MGAM2: variants seen among roughly 807,000 people sequenced by gnomAD.
MGAM2 encodes probable maltase-glucoamylase 2.
MGAM2 carries 98 observed loss-of-function variants against 96.1 expected under a neutral mutation model. The ratio of observed to expected loss-of-function variants is 1.02; its 90% CI spans 0.87 to 1.21. The LOEUF (loss-of-function observed/expected upper bound fraction) is 1.21, where lower values mean the gene tolerates loss of function less well. Among genes scored for constraint, MGAM2 ranks in the 50% most tolerant of loss-of-function variants. The pLI is 0.00. For missense variants in MGAM2, 2,055 were observed against 1,182.4 expected (o/e 1.74, Z -10.82); for synonymous variants, 749 against 414.8 (o/e 1.81, Z -9.79).
chr7:142,195,534 T>C (rs1797006983), intron 37 of MGAM2, among the ~76,000 whole-genome samples: 1 of 150,378 alleles, frequency 6.6e-6, no homozygotes, highest in African/African-American at 2.5e-5. Flanking sequence ...TTTTTTTTTT[T>C]TTAGTAGAGA....
At chr7:142,192,807 A>G (rs1455523811) in intron 37 of MGAM2, among the ~76,000 whole-genome samples, 6 of 152,220 alleles carry the variant, frequency 3.9e-5, no homozygotes, top group African/African-American at 1.4e-4. Flanking sequence ...TTCTTCATGA[A>G]TTATTTTTTA....
At chr7:142,175,928 T>C (rs1796360662) in intron 32 of MGAM2, 148 bp downstream of exon 32, 1 of 424,180 alleles carries the variant, frequency 2.4e-6, no homozygotes, top group Non-Finnish European at 4.1e-6. Flanking sequence ...TTGTGGTGAA[T>C]CTATAATTAT....
chr7:142,185,763 C>T (rs1796674971), intron 34 of MGAM2, among the ~76,000 whole-genome samples: 1 of 151,984 alleles, frequency 6.6e-6, no homozygotes, highest in African/African-American at 2.4e-5. Context: ...TAAACAAATC[C>T]TGTATTTGAA....
chr7:142,210,026 G>A (rs115913381), intron 46 of MGAM2, among the ~76,000 whole-genome samples: 1,625 of 152,312 alleles, frequency 0.011, 33 homozygotes, highest in African/African-American at 0.037. Flanking sequence ...ATCTCACTGG[G>A]ACTGATTAGA....
At chr7:142,118,499 C>T (rs898284895) in intron 2 of MGAM2, among the ~76,000 whole-genome samples, 1 of 152,132 alleles carries the variant, frequency 6.6e-6, no homozygotes, top group Non-Finnish European at 1.5e-5. Context: ...GTAACTGTTT[C>T]CTCCAAATTC....
In MGAM2 at chr7:142,221,250, G is replaced by T. The variant is rs1306936073; in HGVS notation, c.6739G>T (p.Ala2247Ser). 1 of 698,920 alleles carries T rather than the reference G, an allele frequency of 1.4e-6. No homozygotes were observed. Among genetic ancestry groups the T allele is most frequent in the Non-Finnish European group, 2.6e-6 (1 of 382,594 alleles). 43.3% of individuals were successfully genotyped at this position (698,920 alleles called of 1,614,324 possible). The change falls in exon 48 of 48, where the codon GCT (alanine) becomes TCT (serine). Residue 2247 changes from alanine (A) to serine (S), a missense_variant. Ala to Ser is a moderately conservative substitution (Grantham distance 99). Coordinates refer to ENST00000477922, the MANE Select transcript of MGAM2 (RefSeq NM_001293626.2). ...MTNFLLATMS[A>S]GNITSNSISI... ...AAATTTTCTTTTAGCTACAATGTCT[G>T]CTGGTAATATAACTAGTAATAGTAT...
chr7:142,193,888 C>G (rs1278178298), intron 37 of MGAM2, among the ~76,000 whole-genome samples: 1 of 152,144 alleles, frequency 6.6e-6, no homozygotes, highest in Non-Finnish European at 1.5e-5. Context: ...TTGTTCCCAA[C>G]CCAAACCTCT....
chr7:142,206,545 A>G (rs1163828434), intron 45 of MGAM2, among the ~76,000 whole-genome samples: 3 of 152,214 alleles, frequency 2.0e-5, no homozygotes, highest in African/African-American at 7.2e-5. Context: ...GAGTGATGTC[A>G]TAGTAGGTTA....
chr7:142,171,512 TATG>T lies in MGAM2; in HGVS notation c.3351+75_3351+77del, dbSNP rs762672022. The T allele has an allele frequency of 2.7e-4, 175 of 652,476 alleles. 1 individual carries two copies. Among genetic ancestry groups the T allele is most frequent in the Middle Eastern group, 9.7e-4 (4 of 4,138 alleles). 40.4% of individuals were successfully genotyped at this position (652,476 alleles called of 1,614,324 possible). ...ATCTCTTTTAATCCTTATGCTTATA[TATG>T]ATACCTTGCTCATCAACCTCATCTT... On this transcript the variant is annotated intron_variant, in intron 28 of 47. Coordinates refer to ENST00000477922, the MANE Select transcript of MGAM2 (RefSeq NM_001293626.2).
chr7:142,156,040 G>A (rs1795725885), intron 17 of MGAM2, among the ~76,000 whole-genome samples: 2 of 152,114 alleles, frequency 1.3e-5, no homozygotes, highest in African/African-American at 4.8e-5. Context: ...AGCTACTTGG[G>A]AGGCTGAGGC....
intron 45 of MGAM2, among the ~76,000 whole-genome samples, chr7:142,203,998 A>G (rs1301565311): frequency 6.6e-6 from 1 of 152,084 alleles, no homozygotes; most frequent in Non-Finnish European, 1.5e-5. Context: ...CAACAAGACC[A>G]CCTTCTGGAA....
rs1223347932 is a variant in MGAM2, at chr7:142,143,756, C to T, written c.1318-13C>T. On this transcript the variant is annotated splice_polypyrimidine_tract_variant and intron_variant, in intron 12 of 47. Transcript: ENST00000477922. The stretch of plus-strand genomic sequence containing the variant: ...AACCAAGCTGATTGCCACTGCCTTC[C>T]TCTGTGTCCTAGGGATATCCGGGAC... 2 of 598,802 alleles carry T rather than the reference C, an allele frequency of 3.3e-6. No homozygotes were observed. Among genetic ancestry groups the T allele is most frequent in the Admixed American group, 2.3e-5 (1 of 43,624 alleles). 37.1% of individuals were successfully genotyped at this position (598,802 alleles called of 1,614,324 possible). A position where few individuals can be genotyped will look rare whatever the true frequency, so the allele number is the denominator to read the frequency against.
intron 31 of MGAM2, among the ~76,000 whole-genome samples, chr7:142,175,384 T>C (rs1032498129): frequency 3.9e-5 from 6 of 152,060 alleles, no homozygotes; most frequent in Non-Finnish European, 8.8e-5. Context: ...GGGAAAGACA[T>C]GAATTGAGGA....
chr7:142,154,598 G>A, intron 16 of MGAM2, 131 bp from the exon 17 acceptor site: 1 of 615,444 alleles, frequency 1.6e-6, no homozygotes, highest in Admixed American at 2.5e-5. Context: ...AGTGTGCCCT[G>A]TGACTCTGGG....
At chr7:142,129,585 G>A (rs1268002188) in intron 3 of MGAM2, among the ~76,000 whole-genome samples, 2 of 151,910 alleles carry the variant, frequency 1.3e-5, no homozygotes, top group East Asian at 3.9e-4. Context: ...AGCACTTTGG[G>A]AGGCTGAGGT....
Position 142,159,131 on chromosome 7 carries a change from T to C in MGAM2, c.2164-156T>C, listed in dbSNP as rs1795818534. ...CTACATTCTGCTTTGGGTAAATTGC[T>C]CAACCTTTATGTGTCTGTGTTTTCC... On this transcript the variant is annotated intron_variant, in intron 19 of 47. Transcript: ENST00000477922. Among the ~76,000 whole-genome samples, 4 of 152,210 alleles carry C rather than the reference T, an allele frequency of 2.6e-5. No individual in the cohort carries two copies. The South Asian group carries it at 8.3e-4, about 32-fold the overall frequency.
chr7:142,202,856 T>C (rs949723061), intron 45 of MGAM2, among the ~76,000 whole-genome samples: 13 of 152,240 alleles, frequency 8.5e-5, no homozygotes, highest in Admixed American at 7.9e-4. Context: ...CTGGGTTGAA[T>C]TGTAGTCCTG....
chr7:142,194,529 ATTT>A (rs1563287663), intron 37 of MGAM2, among the ~76,000 whole-genome samples: 82 of 152,030 alleles, frequency 5.4e-4, no homozygotes, highest in African/African-American at 1.9e-3. Context: ...CCTCACCCCC[ATTT>A]CTTTATCACA....
intron 46 of MGAM2, among the ~76,000 whole-genome samples, chr7:142,212,781 CAG>C (rs1797629082): frequency 6.6e-6 from 1 of 152,078 alleles, no homozygotes; most frequent in South Asian, 2.1e-4. Context: ...ATCAACAAGA[CAG>C]AAAATTAGCA....
Sources: allele counts gnomAD v4.1 joint callset (sites outside exome capture counted in the v4.1 genomes callset), GRCh38; gene constraint gnomAD v4.1.1; transcripts MANE v1.5; gene names NCBI Gene and HGNC (gene_info 2026-07-23, HGNC 2026-07-21).